Variants in ERICH1 observed in about 807,000 individuals in gnomAD.
The protein encoded by ERICH1 is glutamate-rich protein 1.
A neutral mutation model predicts 39.6 loss-of-function variants in ERICH1; 56 were observed. That is an observed-to-expected ratio of 1.41 (90% CI 1.14 to 1.77). ERICH1 has a LOEUF of 1.77. Among genes scored for constraint, ERICH1 ranks in the 40% most tolerant of loss-of-function variants. ERICH1 has a pLI of 0.00. For synonymous variants in ERICH1, 313 were observed against 223.6 expected (o/e 1.40, Z -3.57); for missense variants, 826 against 575.4 (o/e 1.44, Z -4.45).
At chr8:723,249 A>G (rs750001483) in intron 1 of ERICH1, among the ~76,000 whole-genome samples, 1 of 152,220 alleles carries the variant, frequency 6.6e-6, no homozygotes, top group Non-Finnish European at 1.5e-5. Flanking sequence ...TGCTCCCTGT[A>G]CAGCCTGCAG....
chr8:662,629 CA>C (rs1801596340), downstream of ERICH1, among the ~76,000 whole-genome samples: 1 of 152,140 alleles, frequency 6.6e-6, no homozygotes, highest in African/African-American at 2.4e-5. Flanking sequence ...GCGTGGGCAA[CA>C]AAAGCGAGAC....
At chr8:720,760 G>T (rs1817130614) in intron 1 of ERICH1, among the ~76,000 whole-genome samples, 1 of 152,162 alleles carries the variant, frequency 6.6e-6, no homozygotes, top group African/African-American at 2.4e-5. Flanking sequence ...GAATCCCTAT[G>T]GCTGAAGGGG....
At chr8:626,643 C>T (rs1797607472) in intron 3 of ERICH1, 1 of 158,524 alleles carries the variant, frequency 6.3e-6, no homozygotes, top group Admixed American at 5.9e-5. Context: ...CAAGGTCCTC[C>T]TAAACATGGA....
downstream of ERICH1, among the ~76,000 whole-genome samples, chr8:660,806 T>C (rs1221992510): frequency 1.3e-5 from 2 of 152,110 alleles, no homozygotes; most frequent in African/African-American, 2.4e-5. Flanking sequence ...GCTTTCGAGC[T>C]GCTTCCACCT....
chr8:720,934 C>T (rs757922319), intron 1 of ERICH1, among the ~76,000 whole-genome samples: 2 of 152,206 alleles, frequency 1.3e-5, no homozygotes, highest in African/African-American at 2.4e-5. Flanking sequence ...AAGACGAGCA[C>T]GTCCCGCACA....
At chr8:619,304 G>C (rs374257680) in intron 3 of ERICH1, among the ~76,000 whole-genome samples, 1 of 152,098 alleles carries the variant, frequency 6.6e-6, no homozygotes, top group Non-Finnish European at 1.5e-5. Context: ...GCACGAGGGG[G>C]GCCCGGTGAG....
chr8:619,872 G>A (rs922752296), intron 3 of ERICH1, among the ~76,000 whole-genome samples: 3 of 152,094 alleles, frequency 2.0e-5, no homozygotes, highest in African/African-American at 4.8e-5. Context: ...ATGTTAAGAT[G>A]TACATTGTAA....
chr8:631,810 G>A (rs139109827), intron 3 of ERICH1, among the ~76,000 whole-genome samples: 13 of 152,216 alleles, frequency 8.5e-5, no homozygotes, highest in African/African-American at 3.1e-4. Context: ...TTTCTAGGAT[G>A]ACCTGGTGGG....
intron 3 of ERICH1, among the ~76,000 whole-genome samples, chr8:642,478 G>T (rs1324656132): frequency 6.6e-6 from 1 of 151,532 alleles, no homozygotes; most frequent in African/African-American, 2.4e-5. Flanking sequence ...CCAGATAGCT[G>T]GGACTACAGG....
intron 2 of ERICH1, among the ~76,000 whole-genome samples, chr8:702,250 G>A (rs1462026086): frequency 3.9e-5 from 6 of 152,166 alleles, no homozygotes; most frequent in Non-Finnish European, 8.8e-5. Flanking sequence ...GCTTGGTAGC[G>A]TGCATTGAAT....
chr8:674,356 G>A (rs910504349), intron 3 of ERICH1, among the ~76,000 whole-genome samples: 1 of 138,800 alleles, frequency 7.2e-6, no homozygotes, highest in African/African-American at 2.7e-5. Flanking sequence ...AGGCTGGAGT[G>A]CAGTGGAACA....
intron 1 of ERICH1, among the ~76,000 whole-genome samples, chr8:726,938 A>G (rs1044940335): frequency 4.6e-5 from 7 of 150,916 alleles, no homozygotes; most frequent in Non-Finnish European, 1.0e-4. Flanking sequence ...AAACACACAT[A>G]CATACACCAC....
At position 651,032 on chromosome 8, in the gene ERICH1, G is replaced by A. The variant is rs147240419; in HGVS notation, c.976+17566C>T. ...TCGTCCACGATAGAGCTCTAGTCTTGCAGGGGTTCAGTGGTTTAAGGAAGA... is the reference window on the plus strand; with the variant it reads ...TCGTCCACGATAGAGCTCTAGTCTTACAGGGGTTCAGTGGTTTAAGGAAGA... On this transcript the variant is annotated intron_variant, in intron 3 of 3. Coordinates refer to the ERICH1 transcript ENST00000522706. Among the ~76,000 whole-genome samples the A allele has an allele frequency of 8.5e-4, 129 of 152,336 alleles. No homozygotes were observed. In the Middle Eastern group the frequency reaches 0.024, roughly 28 times the overall value.
chr8:700,116 CACCCTCACAGGCGCACAG>C (rs1157747096), intron 2 of ERICH1, among the ~76,000 whole-genome samples: 5 of 100,726 alleles, frequency 5.0e-5, no homozygotes, highest in African/African-American at 2.0e-4. Context: ...CACGCGCACA[CACCCTCACAGGCGCACAG>C]ACCCGCACAG....
rs188179129 is a variant in ERICH1, at chr8:722,306, C to T, written c.23-6299G>A. On this transcript the variant is annotated intron_variant, in intron 1 of 5. Coordinates refer to ENST00000262109, the MANE Select transcript of ERICH1 (RefSeq NM_207332.3). Reference sequence around the variant, plus strand: ...AGCACCGAGAAAAAGAGAGACACAACAACAAAAGGCCAAGGCCCAGAAAAA... The same window carrying T: ...AGCACCGAGAAAAAGAGAGACACAATAACAAAAGGCCAAGGCCCAGAAAAA... Among the ~76,000 whole-genome samples, 119 of 151,620 alleles carry T rather than the reference C, an allele frequency of 7.8e-4. 1 individual carries two copies. The highest frequency in any genetic ancestry group is 2.9e-3 in the African/African-American group (118 of 41,316).
chr8:694,632 C>T, intron 2 of ERICH1, among the ~76,000 whole-genome samples: 1 of 152,230 alleles, frequency 6.6e-6, no homozygotes, highest in East Asian at 1.9e-4. Flanking sequence ...TCACAGGCAC[C>T]ACGCAGACAG....
At chr8:620,485 CTG>C (rs1797216836) in intron 3 of ERICH1, among the ~76,000 whole-genome samples, 2 of 152,144 alleles carry the variant, frequency 1.3e-5, no homozygotes. Flanking sequence ...GTGTGTGTCT[CTG>C]TGTGTGTCTG....
intron 3 of ERICH1, chr8:686,823 C>G (rs755623021): frequency 2.0e-5 from 3 of 152,244 alleles, no homozygotes; most frequent in Non-Finnish European, 4.4e-5. Context: ...TAGGACCAGG[C>G]GAGCTTGGAC....
chr8:618,689 G>A (rs1171287950), intron 3 of ERICH1, among the ~76,000 whole-genome samples: 1 of 152,192 alleles, frequency 6.6e-6, no homozygotes, highest in Non-Finnish European at 1.5e-5. Context: ...ATCACACACA[G>A]CACGCTTGGA....
Sources: gnomAD v4.1 joint callset for allele counts (sites outside exome capture counted in the v4.1 genomes callset) on GRCh38, gnomAD v4.1.1 for gene constraint, MANE v1.5 for transcripts, NCBI Gene and HGNC (gene_info 2026-07-23, HGNC 2026-07-21) for gene names.